UCHL5: variants seen among roughly 807,000 people sequenced by gnomAD.
The protein encoded by UCHL5 is ubiquitin C-terminal hydrolase L5, also known as ubiquitin carboxyl-terminal hydrolase isozyme L5.
Under a neutral mutation model 53.8 loss-of-function variants are expected in UCHL5, and 34 were observed. The observed-to-expected ratio is 0.63, with a 90% confidence interval of 0.48 to 0.84. The LOEUF is 0.84. Ranked by LOEUF, UCHL5 falls within the 40% of genes least tolerant of loss-of-function variation. UCHL5 has a pLI of 0.00. For missense variants in UCHL5, 290 were observed against 385.6 expected, an observed-to-expected ratio of 0.75 and a Z score of 2.08; for synonymous variants, 111 against 126.3, an observed-to-expected ratio of 0.88 and a Z score of 0.81.
At chr1:193,059,961 C>G (rs772044717), upstream of UCHL5, 1 of 1,366,460 alleles carries the variant, frequency 7.3e-7, no homozygotes, top group South Asian at 1.1e-5. This position sits in a 1 kb window ranked among gnomAD's most constrained non-coding sequence, Gnocchi z 4.9. Context: ...GAACCAGCAT[C>G]GCGGTAGGGA....
chr1:193,032,179 T>A (rs1244793989), intron 3 of UCHL5, among the ~76,000 whole-genome samples: 1 of 152,140 alleles, frequency 6.6e-6, no homozygotes, highest in Non-Finnish European at 1.5e-5. Context: ...TTTCAAAGCT[T>A]ATACAAAAGA....
chr1:193,016,228 A>T lies in UCHL5; in HGVS notation c.*123T>A. The T allele has an allele frequency of 1.9e-6, 2 of 1,038,710 alleles. No homozygotes were observed. Among genetic ancestry groups the T allele is most frequent in the Non-Finnish European group, 2.8e-6 (2 of 703,772 alleles). 64.3% of individuals were successfully genotyped at this position (1,038,710 alleles called of 1,614,324 possible). A position where few individuals can be genotyped will look rare whatever the true frequency, so the allele number is the denominator to read the frequency against. ...TGAATCCATGCATTAAAGACAAGAC[A>T]GGCTGGCACTATTGCCAAACGTGCA... On this transcript the variant is annotated 3_prime_UTR_variant, in exon 11 of 11. Transcript: ENST00000367454.
At chr1:193,043,435 C>T (rs1041496269) in intron 3 of UCHL5, among the ~76,000 whole-genome samples, 7 of 152,184 alleles carry the variant, frequency 4.6e-5, no homozygotes, top group African/African-American at 1.7e-4. Flanking sequence ...TTCAGCTGAA[C>T]TGTCACTTAC....
intron 6 of UCHL5, among the ~76,000 whole-genome samples, chr1:193,028,819 G>A (rs957262790): frequency 1.3e-5 from 2 of 151,990 alleles, no homozygotes; most frequent in African/African-American, 2.4e-5. Context: ...ACTTTAATAC[G>A]GATGTTAAGA....
Position 193,058,346 on chromosome 1 carries a change from C to T in UCHL5, c.76+839G>A, listed in dbSNP as rs147624703. Reference sequence around the variant, plus strand: ...AGCTGTGTACAACAGGCAATATCTACATCAACGTTTAATTGTTAATCCCGC... The same window carrying T: ...AGCTGTGTACAACAGGCAATATCTATATCAACGTTTAATTGTTAATCCCGC... On this transcript the variant is annotated intron_variant, in intron 1 of 10. Transcript: ENST00000367454. Among the ~76,000 whole-genome samples the T allele has an allele frequency of 1.2e-3, 184 of 152,356 alleles. 1 individual carries two copies. Among genetic ancestry groups the T allele is most frequent in the East Asian group, 9.6e-4 (5 of 5,182 alleles).
chr1:193,038,036 T>A (rs139490458), intron 3 of UCHL5, among the ~76,000 whole-genome samples: 1 of 152,116 alleles, frequency 6.6e-6, no homozygotes, highest in Non-Finnish European at 1.5e-5. Flanking sequence ...AAAAAGCATT[T>A]GATAAAATTT....
chr1:193,038,382 G>A (rs1382461698), intron 3 of UCHL5, among the ~76,000 whole-genome samples: 9 of 151,386 alleles, frequency 5.9e-5, no homozygotes, highest in East Asian at 2.0e-4. Context: ...CGTGAACCGG[G>A]AGGCGGAGCT....
intron 3 of UCHL5, among the ~76,000 whole-genome samples, chr1:193,031,541 G>A (rs1661402884): frequency 6.6e-6 from 1 of 152,118 alleles, no homozygotes; most frequent in African/African-American, 2.4e-5. Context: ...AAGTTACAAT[G>A]TACATGGGTA....
chr1:193,054,432 CCA>C (rs751376528), intron 1 of UCHL5, among the ~76,000 whole-genome samples: 1 of 152,202 alleles, frequency 6.6e-6, no homozygotes, highest in Non-Finnish European at 1.5e-5. Flanking sequence ...CATATGTCTT[CCA>C]CAACCCCAGT....
At position 193,028,165 on chromosome 1, in the gene UCHL5, A is replaced by G. The variant is rs202018337; in HGVS notation, c.566-17T>C. The G allele has an allele frequency of 6.4e-5, 101 of 1,578,824 alleles. No homozygotes were observed. In the East Asian group the frequency reaches 2.2e-3, roughly 34 times the overall value. ...TGCATGCACCTAGAAAGAAATTTTA[A>G]AACAGTTAACACAAATAAAAATAAG... On this transcript the variant is annotated splice_polypyrimidine_tract_variant and intron_variant, in intron 6 of 10. Coordinates refer to ENST00000367454, the MANE Select transcript of UCHL5 (RefSeq NM_001199261.3).
intron 3 of UCHL5, among the ~76,000 whole-genome samples, chr1:193,039,172 G>A (rs763991018): frequency 6.6e-6 from 1 of 152,076 alleles, no homozygotes; most frequent in East Asian, 1.9e-4. Flanking sequence ...AGCCCAAGGC[G>A]GGCAGATCAC....
intron 3 of UCHL5, chr1:193,049,457 G>A (rs764579252): frequency 2.8e-5 from 6 of 212,034 alleles, no homozygotes; most frequent in South Asian, 1.5e-4. Flanking sequence ...CTCCTGCCTC[G>A]GCCTCCCAAA....
chr1:193,047,254 A>G (rs1667620188), intron 3 of UCHL5, among the ~76,000 whole-genome samples: 1 of 152,166 alleles, frequency 6.6e-6, no homozygotes, highest in African/African-American at 2.4e-5. Flanking sequence ...TAGGTGCTCA[A>G]TGATTACTTG....
At chr1:193,043,557 A>G (rs971888533) in intron 3 of UCHL5, among the ~76,000 whole-genome samples, 3 of 152,188 alleles carry the variant, frequency 2.0e-5, no homozygotes, top group Non-Finnish European at 4.4e-5. Context: ...CTGGGAGATG[A>G]GTTCTAAGTC....
intron 2 of UCHL5, among the ~76,000 whole-genome samples, chr1:193,051,010 T>C (rs1484550783): frequency 6.6e-6 from 1 of 152,194 alleles, no homozygotes; most frequent in African/African-American, 2.4e-5. Context: ...TCTAAAGTGA[T>C]TGCTCTTTTT....
chr1:193,029,014 T>A (rs1660381059), intron 6 of UCHL5, among the ~76,000 whole-genome samples, 165 bp downstream of exon 6: 1 of 152,172 alleles, frequency 6.6e-6, no homozygotes, highest in Non-Finnish European at 1.5e-5. Flanking sequence ...AAGATGTCCT[T>A]CCTATATATT....
chr1:193,024,048 CAA>C, intron 7 of UCHL5, 102 bp from the exon 8 acceptor site: 1 of 855,470 alleles, frequency 1.2e-6, no homozygotes, highest in Non-Finnish European at 1.7e-6. Context: ...CTAGTATAAA[CAA>C]AAGTCTATCA....
At chr1:193,016,668 A>T (rs1654995296) in intron 10 of UCHL5, among the ~76,000 whole-genome samples, 1 of 151,904 alleles carries the variant, frequency 6.6e-6, no homozygotes, top group South Asian at 2.1e-4. Flanking sequence ...GTAATAATTT[A>T]AAAATTCCAT....
chr1:193,035,680 A>C (rs1447218762), intron 3 of UCHL5, among the ~76,000 whole-genome samples: 2 of 152,110 alleles, frequency 1.3e-5, no homozygotes, highest in African/African-American at 2.4e-5. Context: ...AAAAGTAAAT[A>C]CACAAAGAAA....
Sources: allele counts gnomAD v4.1 joint callset (sites outside exome capture counted in the v4.1 genomes callset), GRCh38; gene constraint gnomAD v4.1.1; non-coding constraint Gnocchi (gnomAD v3.1); transcripts MANE v1.5; gene names NCBI Gene and HGNC (gene_info 2026-07-23, HGNC 2026-07-21).